PTPDC1: variants seen among roughly 807,000 people sequenced by gnomAD.
The protein encoded by PTPDC1 is protein tyrosine phosphatase domain containing 1, also known as protein tyrosine phosphatase domain-containing protein 1.
Under a neutral mutation model 75.3 loss-of-function variants are expected in PTPDC1, and 53 were observed. That is an observed-to-expected ratio of 0.70 (90% confidence interval 0.56 to 0.88). The LOEUF (loss-of-function observed/expected upper bound fraction) is 0.88, where lower values mean the gene tolerates loss of function less well. Ranked by LOEUF, PTPDC1 falls within the 40% of genes least tolerant of loss-of-function variation. The pLI, the probability that PTPDC1 is intolerant of heterozygous loss-of-function variation, is 0.00. For synonymous variants in PTPDC1, 349 were observed against 366.2 expected, an observed-to-expected ratio of 0.95 and a Z score of 0.54; for missense variants, 925 against 998.6, an observed-to-expected ratio of 0.93 and a Z score of 0.99.
At chr9:94,099,239 T>G (rs1827745505) in intron 6 of PTPDC1, among the ~76,000 whole-genome samples, 1 of 152,238 alleles carries the variant, frequency 6.6e-6, no homozygotes. Flanking sequence ...GTGCTTTTAC[T>G]AGGATACAGT....
intron 1 of PTPDC1, among the ~76,000 whole-genome samples, chr9:94,050,249 G>A (rs1389508671): frequency 6.6e-6 from 1 of 152,138 alleles, no homozygotes; most frequent in Non-Finnish European, 1.5e-5. Flanking sequence ...TTGTTCCGTT[G>A]CTGGTGAGGA....
At chr9:94,074,938 G>A (rs917928304) in intron 2 of PTPDC1, among the ~76,000 whole-genome samples, 5 of 152,172 alleles carry the variant, frequency 3.3e-5, no homozygotes, top group Non-Finnish European at 7.3e-5. Context: ...CTTGATGATG[G>A]ATGAGAACGA....
At chr9:94,047,935 C>T (rs560580157) in intron 1 of PTPDC1, among the ~76,000 whole-genome samples, 60 of 152,214 alleles carry the variant, frequency 3.9e-4, no homozygotes, top group African/African-American at 1.3e-3. Flanking sequence ...AATAGCTTAC[C>T]AACCAAAAAA....
intron 1 of PTPDC1, among the ~76,000 whole-genome samples, chr9:94,044,312 T>A (rs1184186634): frequency 6.6e-6 from 1 of 152,262 alleles, no homozygotes; most frequent in South Asian, 2.1e-4. Context: ...TATTTAGATT[T>A]ACTTTAAGTT....
Position 94,098,462 on chromosome 9 carries a change from T to C in PTPDC1, c.1896T>C (p.Ser632=), listed in dbSNP as rs779386367. ...SKDLSEAASH[S]ALQSELSAEA... ...ATCTGTCTGAAGCAGCTTCACACTC[T>C]GCATTACAGTCTGAATTGAGTGCTG... Residue 632 remains serine, a synonymous_variant, in exon 6 of 9, where the codon TCT becomes TCC. Coordinates refer to ENST00000620992, the MANE Select transcript of PTPDC1 (RefSeq NM_001253829.2). 34 of 1,614,018 alleles carry C rather than the reference T, an allele frequency of 2.1e-5. No individual in the cohort carries two copies. The highest frequency in any genetic ancestry group is 1.6e-4 in the Middle Eastern group (1 of 6,084).
chr9:94,080,135 T>C (rs1470649580), upstream of PTPDC1, among the ~76,000 whole-genome samples: 2 of 151,836 alleles, frequency 1.3e-5, no homozygotes, highest in Admixed American at 1.3e-4. Context: ...TCTACCCAGG[T>C]GGGTGGCAGC....
At chr9:94,059,534 A>G (rs992553183) in intron 1 of PTPDC1, among the ~76,000 whole-genome samples, 68 of 152,312 alleles carry the variant, frequency 4.5e-4, no homozygotes, top group African/African-American at 1.6e-3. Context: ...ATTTTGATGT[A>G]TTAAATAGGG....
intron 1 of PTPDC1, among the ~76,000 whole-genome samples, chr9:94,059,623 A>C (rs1438298198): frequency 6.6e-6 from 1 of 152,192 alleles, no homozygotes; most frequent in Non-Finnish European, 1.5e-5. Context: ...GTATGGTTTA[A>C]AGACGGTAGC....
chr9:94,106,047 T>G (rs1828014339), intron 8 of PTPDC1, among the ~76,000 whole-genome samples: 1 of 152,084 alleles, frequency 6.6e-6, no homozygotes, highest in South Asian at 2.1e-4. Context: ...ATAGATAATA[T>G]AGTTATAGAT....
At chr9:94,069,828 T>TG (rs969316569) in intron 2 of PTPDC1, among the ~76,000 whole-genome samples, 1 of 142,558 alleles carries the variant, frequency 7.0e-6, no homozygotes, top group African/African-American at 2.6e-5. Context: ...ACTTTCTTTT[T>TG]TTTTTTTTTT....
chr9:94,093,049 CTG>C (rs1319976507), intron 4 of PTPDC1, among the ~76,000 whole-genome samples: 1 of 152,036 alleles, frequency 6.6e-6, no homozygotes, highest in Non-Finnish European at 1.5e-5. Flanking sequence ...ATTTGCCAGT[CTG>C]TGTCTTTTAA....
At chr9:94,085,676 G>A (rs1256583824) in intron 2 of PTPDC1, among the ~76,000 whole-genome samples, 1 of 152,192 alleles carries the variant, frequency 6.6e-6, no homozygotes, top group Non-Finnish European at 1.5e-5. Context: ...TATATAAAGT[G>A]TATTGAAGAA....
rs1337043767 is a variant in PTPDC1 at position 94,084,657 on chromosome 9, T to C, written c.127T>C (p.Leu43=). Residue 43 remains leucine, a synonymous_variant, in exon 1 of 9, where the codon TTG becomes CTG. Coordinates refer to ENST00000620992, the MANE Select transcript of PTPDC1 (RefSeq NM_001253829.2). ...GCAGCAGGCCCGGCGGGGCTCTGGC[T>C]TGGGCTCCGGCTCTGCCACGAAGCT... ...RLQQARRGSG[L]GSGSATKLLS... 2 of 1,613,456 alleles carry C rather than the reference T, an allele frequency of 1.2e-6. No individual in the cohort carries two copies. Among genetic ancestry groups the C allele is most frequent in the Admixed American group, 3.3e-5 (2 of 59,988 alleles).
intron 2 of PTPDC1, among the ~76,000 whole-genome samples, chr9:94,085,913 CATAAG>C (rs889663453): frequency 6.6e-5 from 10 of 152,124 alleles, no homozygotes; most frequent in African/African-American, 2.2e-4. Context: ...CAGTAGAAAA[CATAAG>C]ATATTTGCTT....
At chr9:94,045,620 C>T (rs1319044184) in intron 1 of PTPDC1, among the ~76,000 whole-genome samples, 3 of 152,098 alleles carry the variant, frequency 2.0e-5, no homozygotes, top group African/African-American at 4.8e-5. Flanking sequence ...TTTCATGTGT[C>T]TTTTGGCTGC....
At chr9:94,060,493 G>A (rs1826093991) in intron 1 of PTPDC1, among the ~76,000 whole-genome samples, 1 of 152,216 alleles carries the variant, frequency 6.6e-6, no homozygotes, top group African/African-American at 2.4e-5. Flanking sequence ...TAGTCATTGT[G>A]TTAGTCTGTT....
At chr9:94,090,834 T>C (rs1472299967) in intron 4 of PTPDC1, among the ~76,000 whole-genome samples, 5 of 136,300 alleles carry the variant, frequency 3.7e-5, no homozygotes, top group Admixed American at 2.3e-4. Flanking sequence ...TTTATTCTCT[T>C]TGAAGCAATT....
chr9:94,047,133 A>G (rs1825627043), intron 1 of PTPDC1, among the ~76,000 whole-genome samples: 2 of 152,270 alleles, frequency 1.3e-5, no homozygotes, highest in Non-Finnish European at 2.9e-5. Context: ...TTCTGTTTAT[A>G]TGCTGGATTA....
At chr9:94,045,518 T>A (rs1795074459) in intron 1 of PTPDC1, among the ~76,000 whole-genome samples, 1 of 152,130 alleles carries the variant, frequency 6.6e-6, no homozygotes, top group South Asian at 2.1e-4. Context: ...GTTTCCTGAC[T>A]TTTTAATGAT....
Sources: allele counts gnomAD v4.1 joint callset (sites outside exome capture counted in the v4.1 genomes callset), GRCh38; gene constraint gnomAD v4.1.1; transcripts MANE v1.5; gene names NCBI Gene and HGNC (gene_info 2026-07-23, HGNC 2026-07-21).